The following ADSL variants were observed in gnomAD, a reference collection of about 807,000 sequenced individuals.
ADSL encodes adenylosuccinate lyase.
Under a neutral mutation model 62.1 loss-of-function variants are expected in ADSL, and 44 were observed. The ratio of observed to expected loss-of-function variants is 0.71; its 90% CI spans 0.56 to 0.91. The LOEUF (loss-of-function observed/expected upper bound fraction) is 0.91. Among genes scored for constraint, ADSL ranks in the 40% least tolerant of loss-of-function variants. The probability of loss-of-function intolerance (pLI) is 0.00; values close to 1 mark genes in which losing one functional copy is unlikely to be tolerated. For synonymous variants in ADSL, 198 were observed against 220.5 expected, an observed-to-expected ratio of 0.90 and a Z score of 0.90; for missense variants, 531 against 627.4, an observed-to-expected ratio of 0.85 and a Z score of 1.64.
At chr22:40,357,847 T>C (rs1459932132) in intron 4 of ADSL, among the ~76,000 whole-genome samples, 1 of 152,050 alleles carries the variant, frequency 6.6e-6, no homozygotes, top group Non-Finnish European at 1.5e-5. Flanking sequence ...TCTCGGCTCA[T>C]TGCAACCTCT....
At chr22:40,363,690 C>T (rs1373720414) in intron 10 of ADSL, among the ~76,000 whole-genome samples, 1 of 148,858 alleles carries the variant, frequency 6.7e-6, no homozygotes, top group Non-Finnish European at 1.5e-5. Context: ...GAGCCGAGAT[C>T]GTGTCATTGT....
Position 40,359,274 on chromosome 22 carries a change from CA to C in ADSL, c.671del (p.Lys224ArgfsTer3). The C allele has an allele frequency of 6.2e-7, 1 of 1,614,108 alleles. No homozygotes were observed. Among genetic ancestry groups the C allele is most frequent in the Non-Finnish European group, 8.5e-7 (1 of 1,180,000 alleles). On this transcript the variant is annotated frameshift_variant, in exon 6 of 13. Coordinates refer to ENST00000623063, the MANE Select transcript of ADSL (RefSeq NM_000026.4). LOFTEE classifies it high-confidence loss of function. ...TTCTTTCCAAGGTAGAGCAGCTTGA[CA>C]AGATGGTGACAGAAAAGGCAGGATT... ...GDDHKVEQLDKMVTEKAGFKR... is the reference protein window; with the variant it reads ...GDDHKVEQLDXMVTEKAGFKR...
intron 2 of ADSL, among the ~76,000 whole-genome samples, chr22:40,352,255 C>T (rs563707772): frequency 1.3e-4 from 20 of 152,120 alleles, no homozygotes; most frequent in Non-Finnish European, 2.2e-4. Context: ...AGGCTGGGCA[C>T]GGTGGCTCAC....
chr22:40,359,000 A>G lies in ADSL; in HGVS notation c.619A>G (p.Ser207Gly). The G allele has an allele frequency of 6.2e-7, 1 of 1,614,224 alleles. No individual in the cohort carries two copies. The highest frequency in any genetic ancestry group is 8.5e-7 in the Non-Finnish European group (1 of 1,180,044). ...GVKGTTGTQASFLQLFEGDDH... is the reference protein window; with the variant it reads ...GVKGTTGTQAGFLQLFEGDDH... ...AAAGGGTACCACTGGCACTCAGGCCAGTTTCCTGCAGCTCTTTGAGGGAGA... is the reference window on the plus strand; with the variant it reads ...AAAGGGTACCACTGGCACTCAGGCCGGTTTCCTGCAGCTCTTTGAGGGAGA... The change falls in exon 5 of 13, where the codon AGT (serine) becomes GGT (glycine). Residue 207 changes from serine (S) to glycine (G), a missense_variant. Around this residue, in one of 2 missense-constraint regions of ADSL, gnomAD observed 471 missense variants for 592.9 expected, o/e 0.79. Transcript: ENST00000623063.
intron 4 of ADSL, among the ~76,000 whole-genome samples, chr22:40,355,975 T>A (rs2044537086): frequency 7.1e-6 from 1 of 141,660 alleles, no homozygotes; most frequent in Non-Finnish European, 1.5e-5. Context: ...TCACCTGAGG[T>A]CAGGAGTTCA....
intron 2 of ADSL, among the ~76,000 whole-genome samples, chr22:40,351,352 A>G (rs1182862114): frequency 6.6e-6 from 1 of 151,748 alleles, no homozygotes; most frequent in Non-Finnish European, 1.5e-5. Context: ...TTTTATTTTT[A>G]GTAGAGACAG....
intron 4 of ADSL, among the ~76,000 whole-genome samples, chr22:40,354,583 T>C (rs1172708504): frequency 6.6e-6 from 1 of 152,140 alleles, no homozygotes; most frequent in African/African-American, 2.4e-5. Context: ...AGAAACAATC[T>C]AAATGGGCCG....
rs1237626785 is a variant in ADSL at position 40,350,017 on chromosome 22, C to T, written c.339C>T (p.Cys113=). 1 of 1,613,938 alleles carries T rather than the reference C, an allele frequency of 6.2e-7. No individual in the cohort carries two copies. The highest frequency in any genetic ancestry group is 8.5e-7 in the Non-Finnish European group (1 of 1,179,864). The part of the protein sequence containing the change: ...AGIIHLGATS[C]YVGDNTDLII... The stretch of plus-strand genomic sequence containing the variant: ...TTATTCACCTTGGTGCTACTTCTTG[C>T]TATGTTGGAGACAATACTGTAGGCG... Residue 113 remains cysteine (C), a synonymous_variant, in exon 2 of 13, where the codon TGC becomes TGT. Coordinates refer to ENST00000623063, the MANE Select transcript of ADSL (RefSeq NM_000026.4).
downstream of ADSL, among the ~76,000 whole-genome samples, chr22:40,369,520 T>C (rs904044906): frequency 2.0e-5 from 3 of 150,012 alleles, no homozygotes; most frequent in African/African-American, 7.3e-5. Context: ...TATATATATA[T>C]ATAGACAAGA....
At chr22:40,374,242 G>A (rs757502854), downstream of ADSL, among the ~76,000 whole-genome samples, 3 of 152,094 alleles carry the variant, frequency 2.0e-5, no homozygotes, top group Non-Finnish European at 2.9e-5. Context: ...GTGAGCCACC[G>A]TGCCCAGCCA....
chr22:40,361,991 G>A (rs563994872), intron 9 of ADSL, among the ~76,000 whole-genome samples: 23 of 152,348 alleles, frequency 1.5e-4, no homozygotes, highest in Non-Finnish European at 2.9e-4. Flanking sequence ...TACTACTTGA[G>A]TAGCCCTGGG....
rs202231389 is a variant in ADSL at position 40,353,062 on chromosome 22, T to G, written c.358-11T>G. On this transcript the variant is annotated splice_polypyrimidine_tract_variant and intron_variant, in intron 2 of 12. Coordinates refer to ENST00000623063, the MANE Select transcript of ADSL (RefSeq NM_000026.4). ...CTGCTAAATATAAGATCATTGCATTTTCTTTCGTAGGACTTGATTATTCTT... is the reference window on the plus strand; with the variant it reads ...CTGCTAAATATAAGATCATTGCATTGTCTTTCGTAGGACTTGATTATTCTT... The G allele has an allele frequency of 6.2e-7, 1 of 1,612,456 alleles. No individual in the cohort carries two copies. The highest frequency in any genetic ancestry group is 8.5e-7 in the Non-Finnish European group (1 of 1,178,474).
chr22:40,384,310 T>A (rs906455459), intron 2 of ADSL, among the ~76,000 whole-genome samples: 5 of 151,940 alleles, frequency 3.3e-5, no homozygotes, highest in African/African-American at 1.2e-4. Flanking sequence ...TCTGAATGTC[T>A]TGGGAGAAGA....
downstream of ADSL, among the ~76,000 whole-genome samples, chr22:40,372,122 C>CTTT (rs58396730): frequency 6.3e-4 from 41 of 65,208 alleles, no homozygotes; most frequent in South Asian, 1.6e-3. Context: ...TCCCCCCCCC[C>CTTT]TTTTTTTTTT....
At chr22:40,354,188 A>G in intron 3 of ADSL, 60 bp from the exon 4 acceptor site, 1 of 1,382,264 alleles carries the variant, frequency 7.2e-7, no homozygotes, top group Non-Finnish European at 1.0e-6. Flanking sequence ...TTTTGTTCCT[A>G]ATTATGTAAT....
chr22:40,376,239 G>A (rs28594993), intron 2 of ADSL: 3 of 121,220 alleles, frequency 2.5e-5, no homozygotes, highest in African/African-American at 9.6e-5. Flanking sequence ...GGTAGTCGGA[G>A]CACCAACAAT....
chr22:40,354,699 T>C (rs1228047250), intron 4 of ADSL, among the ~76,000 whole-genome samples: 2 of 152,038 alleles, frequency 1.3e-5, no homozygotes, highest in East Asian at 3.9e-4. Context: ...GGTGAAACGC[T>C]GTCTCTACTA....
intron 10 of ADSL, 34 bp downstream of exon 10, chr22:40,363,105 G>C: frequency 6.3e-7 from 1 of 1,594,288 alleles, no homozygotes; most frequent in Non-Finnish European, 8.6e-7. Flanking sequence ...AAAGTACTAG[G>C]GAGGGGTTAG....
intron 3 of ADSL, 186 bp downstream of exon 3, chr22:40,353,303 C>T (rs1318221554): frequency 1.4e-6 from 1 of 706,838 alleles, no homozygotes; most frequent in Admixed American, 2.0e-5. Flanking sequence ...TTCTCTTCCT[C>T]CTTCTCCTTT....
Sources: allele counts gnomAD v4.1 joint callset (sites outside exome capture counted in the v4.1 genomes callset), GRCh38; gene constraint gnomAD v4.1.1; regional missense constraint gnomAD v4.1.1; transcripts MANE v1.5; gene names NCBI Gene and HGNC (gene_info 2026-07-23, HGNC 2026-07-21).